Variants in PGAP1 observed in about 807,000 individuals in gnomAD.
The protein encoded by PGAP1 is GPI inositol-deacylase.
Under a neutral mutation model 127.0 loss-of-function variants are expected in PGAP1, and 76 were observed. The observed-to-expected ratio is 0.60, with a 90% CI of 0.50 to 0.72. PGAP1 has a LOEUF of 0.72. PGAP1 is among the 30% of genes least tolerant of loss of function. The probability of loss-of-function intolerance (pLI) is 0.00; values close to 1 mark genes in which losing one functional copy is unlikely to be tolerated. For missense variants in PGAP1, 982 were observed against 1,071.3 expected (o/e 0.92, Z 1.16); for synonymous variants, 362 against 366.5 (o/e 0.99, Z 0.14).
chr2:196,922,418 G>A, intron 1 of PGAP1: 1 of 982,964 alleles, frequency 1.0e-6, no homozygotes, highest in Non-Finnish European at 1.2e-6. Flanking sequence ...GTCTCAGTAA[G>A]GCCTTTGCTC....
intron 3 of PGAP1, among the ~76,000 whole-genome samples, chr2:196,913,317 T>A (rs900204967): frequency 3.3e-5 from 5 of 152,218 alleles, no homozygotes; most frequent in African/African-American, 4.8e-5. Context: ...ATCATGTTTA[T>A]ACTGTTGGTT....
At chr2:196,886,938 C>A (rs966331153) in intron 10 of PGAP1, among the ~76,000 whole-genome samples, 1 of 151,888 alleles carries the variant, frequency 6.6e-6, no homozygotes, top group Non-Finnish European at 1.5e-5. Flanking sequence ...CCTCATGATC[C>A]GCCCGCCTCA....
rs141640605 is a variant in PGAP1, at chr2:196,856,575, T to C, written c.1861+8412A>G. On this transcript the variant is annotated intron_variant, in intron 20 of 26. Coordinates refer to ENST00000354764, the MANE Select transcript of PGAP1 (RefSeq NM_024989.4). ...GAGAGCCCTGTAAGCTGAAACTAGA[T>C]GCATTTTAAGAAATAAGCCTCATGT... 4.3e-3 allele frequency among the ~76,000 whole-genome samples: 653 copies of C among 152,312 alleles called. 2 individuals are homozygous for C. The highest frequency in any genetic ancestry group is 7.2e-3 in the South Asian group (35 of 4,830).
At chr2:196,842,000 A>G (rs950821967) in intron 26 of PGAP1, among the ~76,000 whole-genome samples, 2 of 151,892 alleles carry the variant, frequency 1.3e-5, no homozygotes, top group African/African-American at 4.8e-5. Context: ...ATAATCAATA[A>G]TGTTCAATAA....
rs746723905 is a variant in PGAP1 at position 196,838,605 on chromosome 2, A to C, written c.*2629T>G. Reference sequence around the variant, plus strand: ...TGGCTAAAGACCCAACCTACTATTGATTATAAAATGTTTAATTAGAATCAT... The same window carrying C: ...TGGCTAAAGACCCAACCTACTATTGCTTATAAAATGTTTAATTAGAATCAT... On this transcript the variant is annotated 3_prime_UTR_variant, in exon 27 of 27. Coordinates refer to ENST00000354764, the MANE Select transcript of PGAP1 (RefSeq NM_024989.4). The C allele has an allele frequency of 1.3e-5, 2 of 152,202 alleles. No individual in the cohort carries two copies. Among genetic ancestry groups the C allele is most frequent in the African/African-American group, 2.4e-5 (1 of 41,442 alleles). 9.4% of individuals were successfully genotyped at this position (152,202 alleles called of 1,614,324 possible).
chr2:196,873,479 T>C, intron 16 of PGAP1, 49 bp downstream of exon 16: 1 of 1,427,054 alleles, frequency 7.0e-7, no homozygotes, highest in Non-Finnish European at 9.7e-7. Flanking sequence ...CTATTGAGTC[T>C]TCAAATGACA....
chr2:196,925,580 A>G (rs1410301194), intron 1 of PGAP1, among the ~76,000 whole-genome samples: 1 of 152,186 alleles, frequency 6.6e-6, no homozygotes, highest in Admixed American at 6.5e-5. Context: ...GAAATTCTAG[A>G]TCCTACTATG....
chr2:196,868,998 T>C (rs1211135176), intron 19 of PGAP1, among the ~76,000 whole-genome samples: 1 of 152,210 alleles, frequency 6.6e-6, no homozygotes, highest in African/African-American at 2.4e-5. Flanking sequence ...AATTTTTTTA[T>C]AGAACTAAGC....
At chr2:196,869,069 T>G (rs901980757) in intron 19 of PGAP1, among the ~76,000 whole-genome samples, 1 of 152,198 alleles carries the variant, frequency 6.6e-6, no homozygotes, top group Non-Finnish European at 1.5e-5. Context: ...CCTTTGATAC[T>G]GTAACACCTG....
At position 196,916,074 on chromosome 2, in the gene PGAP1, G is replaced by A. The variant is rs555244933; in HGVS notation, c.477+344C>T. Among the ~76,000 whole-genome samples the A allele has an allele frequency of 4.6e-5, 7 of 152,270 alleles. No individual in the cohort carries two copies. The South Asian group carries it at 1.5e-3, about 32-fold the overall frequency. On this transcript the variant is annotated intron_variant, in intron 3 of 26. Coordinates refer to ENST00000354764, the MANE Select transcript of PGAP1 (RefSeq NM_024989.4). ...TTCACATATCTTGACCAGTTTTACA[G>A]TTGTTTACATATGCAGGTGTTCTAT...
At position 196,835,634 on chromosome 2, in the gene PGAP1, A is replaced by G. The variant is rs1157491490; in HGVS notation, c.*5600T>C. ...GTAAGTCCTAGATGAAACATACTGA[A>G]AAGATTATTTTTGCTTTAATCCTAA... is the stretch of plus-strand genomic sequence containing the variant. On this transcript the variant is annotated 3_prime_UTR_variant, in exon 27 of 27. Coordinates refer to ENST00000354764, the MANE Select transcript of PGAP1 (RefSeq NM_024989.4). The G allele has an allele frequency of 6.6e-6, 1 of 152,494 alleles. No homozygotes were observed. Among genetic ancestry groups the G allele is most frequent in the Non-Finnish European group, 1.5e-5 (1 of 67,900 alleles). The allele number at this position is 152,494 out of a possible 1,614,324, so 9.4% of individuals were successfully genotyped here.
At chr2:196,874,734 C>T (rs1026597473) in intron 14 of PGAP1, among the ~76,000 whole-genome samples, 4 of 152,162 alleles carry the variant, frequency 2.6e-5, no homozygotes, top group Non-Finnish European at 1.5e-5. Flanking sequence ...AAGTATTAGG[C>T]TGGGCACGTT....
At chr2:196,903,236 C>G (rs1017606406) in intron 4 of PGAP1, among the ~76,000 whole-genome samples, 1 of 151,008 alleles carries the variant, frequency 6.6e-6, no homozygotes, top group African/African-American at 2.4e-5. Context: ...TATCAATTAC[C>G]CTCAATAAAG....
Position 196,885,889 on chromosome 2 carries a change from G to T in PGAP1, c.1174-9C>A. On this transcript the variant is annotated splice_polypyrimidine_tract_variant and intron_variant, in intron 10 of 26. Transcript: ENST00000354764. ...ATCCAACTATTTGTATCCTGTTGATGAACAGCACAAAACAAAACACACTAA... is the reference window on the plus strand; with the variant it reads ...ATCCAACTATTTGTATCCTGTTGATTAACAGCACAAAACAAAACACACTAA... 1.4e-6 allele frequency: 2 copies of T among 1,393,520 alleles called. No homozygotes were observed. The highest frequency in any genetic ancestry group is 4.2e-5 in the South Asian group (2 of 47,966). 86.3% of individuals were successfully genotyped at this position (1,393,520 alleles called of 1,614,324 possible). A position where few individuals can be genotyped will look rare whatever the true frequency, so the allele number is the denominator to read the frequency against.
intron 5 of PGAP1, 62 bp from the exon 6 acceptor site, chr2:196,898,431 A>G: frequency 9.0e-7 from 1 of 1,116,946 alleles, no homozygotes; most frequent in Non-Finnish European, 1.3e-6. Flanking sequence ...AAAAGGTATG[A>G]AATTCTTACA....
intron 4 of PGAP1, among the ~76,000 whole-genome samples, 188 bp from the exon 5 acceptor site, chr2:196,902,930 A>G (rs559754938): frequency 2.0e-5 from 3 of 152,298 alleles, no homozygotes; most frequent in African/African-American, 7.2e-5. Flanking sequence ...CTACTTCCCG[A>G]TTAAATAAAA....
At chr2:196,841,598 A>G (rs1430882669) in intron 26 of PGAP1, among the ~76,000 whole-genome samples, 1 of 152,144 alleles carries the variant, frequency 6.6e-6, no homozygotes, top group East Asian at 1.9e-4. Context: ...GCTCACTGCA[A>G]GCTCCGCCTC....
chr2:196,850,105 T>G (rs1268954874), intron 20 of PGAP1, among the ~76,000 whole-genome samples: 4 of 152,218 alleles, frequency 2.6e-5, no homozygotes, highest in African/African-American at 4.8e-5. Flanking sequence ...GTGGTTGTAG[T>G]GTTCCTGCAC....
At chr2:196,898,013 T>A (rs1182560065) in intron 6 of PGAP1, among the ~76,000 whole-genome samples, 2 of 151,044 alleles carry the variant, frequency 1.3e-5, no homozygotes, top group Non-Finnish European at 3.0e-5. Flanking sequence ...AGGTCAGGAG[T>A]TTGAGACCGG....
Sources: allele counts gnomAD v4.1 joint callset (sites outside exome capture counted in the v4.1 genomes callset), GRCh38; gene constraint gnomAD v4.1.1; transcripts MANE v1.5; gene names NCBI Gene and HGNC (gene_info 2026-07-23, HGNC 2026-07-21).